MTMR4: variants seen among roughly 807,000 people sequenced by gnomAD.
MTMR4 encodes the protein myotubularin related protein 4.
A neutral mutation model predicts 125.5 loss-of-function variants in MTMR4; 30 were observed. The ratio of observed to expected loss-of-function variants is 0.24; its 90% CI spans 0.18 to 0.32. The LOEUF (loss-of-function observed/expected upper bound fraction) is 0.32, where lower values mean the gene tolerates loss of function less well. Among genes scored for constraint, MTMR4 ranks in the 10% least tolerant of loss-of-function variants. The pLI is 1.00. For synonymous variants in MTMR4, 498 were observed against 564.5 expected (o/e 0.88, Z 1.67); for missense variants, 1,039 against 1,511.5 (o/e 0.69, Z 5.18).
chr17:58,513,863 A>T (rs1976006155), intron 1 of MTMR4: 1 of 152,510 alleles, frequency 6.6e-6, no homozygotes, highest in Admixed American at 6.5e-5. Flanking sequence ...GATGGAGAAG[A>T]GAGGCTGTCT....
rs773009874 is a variant in MTMR4 at position 58,511,530 on chromosome 17, C to T, written c.253-19G>A. 2.5e-6 allele frequency: 4 copies of T among 1,607,820 alleles called. No homozygotes were observed. The East Asian group carries it at 8.9e-5, about 36-fold the overall frequency. On this transcript the variant is annotated intron_variant, in intron 3 of 17. Transcript: ENST00000682306. ...GGGGGACCTGTAGAGGAAGGGCAAA[C>T]TGAAGCTCAGACTCCCCACTGGGTA...
intron 15 of MTMR4, 127 bp from the exon 16 acceptor site, chr17:58,493,079 A>G (rs1180573883): frequency 1.5e-6 from 1 of 650,950 alleles, no homozygotes; most frequent in Non-Finnish European, 2.7e-6. Flanking sequence ...CTTACAATGT[A>G]TACTACTAAT....
At chr17:58,501,237 A>G (rs1470034055) in intron 14 of MTMR4, among the ~76,000 whole-genome samples, 1 of 152,204 alleles carries the variant, frequency 6.6e-6, no homozygotes, top group African/African-American at 2.4e-5. Context: ...CAGGCTGGGC[A>G]TGGTGGCTCA....
chr17:58,502,238 T>A (rs1975660237), intron 14 of MTMR4, among the ~76,000 whole-genome samples: 1 of 149,104 alleles, frequency 6.7e-6, no homozygotes. Context: ...CTTACTGCAA[T>A]CTCCACCCCC....
chr17:58,516,572 G>A, upstream of MTMR4: 1 of 1,614,072 alleles, frequency 6.2e-7, no homozygotes. Context: ...GAAAGACAGG[G>A]TACTCACCAT....
At chr17:58,515,896 T>G (rs947697302), upstream of MTMR4, among the ~76,000 whole-genome samples, 1 of 152,230 alleles carries the variant, frequency 6.6e-6, no homozygotes. Flanking sequence ...GGGCCTGGTC[T>G]GGGCCAGGGC....
chr17:58,509,952 T>C (rs557646204), intron 4 of MTMR4, among the ~76,000 whole-genome samples: 2 of 152,260 alleles, frequency 1.3e-5, no homozygotes, highest in Middle Eastern at 3.4e-3. Flanking sequence ...AATCTTCTCA[T>C]CTCCACCTTC....
Position 58,495,540 on chromosome 17 carries a change from T to G in MTMR4, c.2644A>C (p.Asn882His), listed in dbSNP as rs954008966. The G allele has an allele frequency of 1.2e-6, 2 of 1,614,208 alleles. No homozygotes were observed. The highest frequency in any genetic ancestry group is 2.7e-5 in the African/African-American group (2 of 75,062). Residue 882 changes from asparagine (N) to histidine (H), a missense_variant, in exon 15 of 18, where the codon AAT becomes CAT. Physicochemically the swap from Asn to His is moderately conservative, Grantham distance 68 (BLOSUM62 1). Coordinates refer to ENST00000682306, the MANE Select transcript of MTMR4 (RefSeq NM_001378067.1). ...TCCAATAACTGCCCATTCCTATTAT[T>G]TCCTCTTTTACCAATGTCTTCCTCC... ...HGEEDIGKRG[N>H]NRNGQLLENP...
rs1431759772 is a variant in MTMR4 at position 58,492,508 on chromosome 17, T to C, written c.3452+3A>G. On this transcript the variant is annotated splice_donor_region_variant and intron_variant, in intron 17 of 17. Transcript: ENST00000682306. ...TCATACTAAATCATACAAAACATCT[T>C]ACCTGCAATGGTGTCTTCGTTTGGC... 6 of 1,613,438 alleles carry C rather than the reference T, an allele frequency of 3.7e-6. No individual in the cohort carries two copies. The highest frequency in any genetic ancestry group is 5.1e-6 in the Non-Finnish European group (6 of 1,179,728).
rs774741419 is a variant in MTMR4, at chr17:58,491,523, A to G, written c.*140T>C. ...ATTGCAATTCCTCTGCTCCAGTTTC[A>G]TGATACCAAGGAGGATTTCTCAAGA... On this transcript the variant is annotated 3_prime_UTR_variant, in exon 18 of 18. Transcript: ENST00000682306. 5.8e-6 allele frequency: 5 copies of G among 865,226 alleles called. No individual in the cohort carries two copies. The highest frequency in any genetic ancestry group is 8.7e-6 in the Non-Finnish European group (5 of 577,264). 53.6% of individuals were successfully genotyped at this position (865,226 alleles called of 1,614,324 possible).
In MTMR4 at chr17:58,507,312, G is replaced by C. The variant is rs560166322; in HGVS notation, c.715C>G (p.Arg239Gly). ...RIPVVVYRHLRNGAAIARCSQ... is the reference protein window; with the variant it reads ...RIPVVVYRHLGNGAAIARCSQ... ...CAGCGGGCGATGGCAGCCCCATTGC[G>C]CAAGTGTCTGACAAAACAGAAGAAA... The change falls in exon 8 of 18, where the codon CGC becomes GGC. Residue 239 changes from arginine to glycine, a missense_variant. Transcript: ENST00000682306. The C allele has an allele frequency of 2.1e-5, 34 of 1,612,368 alleles. No homozygotes were observed. Among genetic ancestry groups the C allele is most frequent in the Non-Finnish European group, 2.9e-5 (34 of 1,179,844 alleles).
rs183891875 is a variant in MTMR4, at chr17:58,504,145, G to A, written c.1603C>T (p.Arg535Cys). Residue 535 changes from arginine to cysteine, a missense_variant, in exon 13 of 18, where the codon CGC (arginine) becomes TGC (cysteine). Transcript: ENST00000682306. The surrounding 1 kb of genome is among the most constrained non-coding windows in gnomAD (Gnocchi z 7.1). Reference protein sequence around the residue: ...LANNPCEREKRNIYKRTCSVW... With the variant: ...LANNPCEREKCNIYKRTCSVW... ...GAGCAGGTCCGCTTGTAGATGTTGC[G>A]CTTCTCTCGCTCACAGGGGTTGTTG... 2.9e-4 allele frequency: 465 copies of A among 1,612,518 alleles called. 1 individual carries two copies. The East Asian group carries it at 6.2e-3, about 22-fold the overall frequency.
At chr17:58,492,794 G>T in intron 16 of MTMR4, 48 bp downstream of exon 16, 1 of 1,519,572 alleles carries the variant, frequency 6.6e-7, no homozygotes, top group Middle Eastern at 1.7e-4. Flanking sequence ...AAAATATGAT[G>T]ACTCACTGGC....
intron 14 of MTMR4, among the ~76,000 whole-genome samples, chr17:58,500,225 C>G (rs1355004685): frequency 1.3e-5 from 2 of 152,166 alleles, no homozygotes; most frequent in African/African-American, 4.8e-5. Context: ...CTGCTGGGAG[C>G]AAACAATCCT....
In MTMR4 at chr17:58,508,787, T is replaced by C. The variant is rs1202937989; in HGVS notation, c.390A>G (p.Arg130=). ...CAGGCTTGGCAGGTCTTGCTGTGGC[T>C]CGGCTTAGCCGTGAGAGCCACTCTT... ...QCQEWLSRLS[R]ATARPAKPED... is the part of the protein sequence containing the mutation. Residue 130 remains arginine, a synonymous_variant, in exon 5 of 18, where the codon CGA becomes CGG. Transcript: ENST00000682306. The surrounding 1 kb of genome is among the most constrained non-coding windows in gnomAD (Gnocchi z 4.8). The C allele has an allele frequency of 3.1e-6, 5 of 1,614,164 alleles. No individual in the cohort carries two copies. The South Asian group carries it at 3.3e-5, about 11-fold the overall frequency.
rs1014152324 is a variant in MTMR4, at chr17:58,511,417, C to T, written c.335+12G>A. On this transcript the variant is annotated intron_variant, in intron 4 of 17. Transcript: ENST00000682306. Reference sequence around the variant, plus strand: ...GGGCCAGGGGACCTGAGTGAGGCTCCGTTGTTCTCACCTCACCACTTTGGA... The same window carrying T: ...GGGCCAGGGGACCTGAGTGAGGCTCTGTTGTTCTCACCTCACCACTTTGGA... The T allele has an allele frequency of 1.9e-5, 30 of 1,605,350 alleles. No homozygotes were observed. Among genetic ancestry groups the T allele is most frequent in the African/African-American group, 6.7e-5 (5 of 74,652 alleles).
chr17:58,516,958 G>T (rs1163120806), upstream of MTMR4, among the ~76,000 whole-genome samples: 4 of 152,236 alleles, frequency 2.6e-5, no homozygotes, highest in South Asian at 8.3e-4. Flanking sequence ...ACTATGAAGA[G>T]ACACAGGCTG....
chr17:58,503,744 C>T lies in MTMR4; in HGVS notation c.1853G>A (p.Arg618Lys). 1 of 1,612,384 alleles carries T rather than the reference C, an allele frequency of 6.2e-7. No homozygotes were observed. The highest frequency in any genetic ancestry group is 8.5e-7 in the Non-Finnish European group (1 of 1,179,110). ...SQEFSGRSLD[R>K]LPKTRSMDDL... Reference sequence around the variant, plus strand: ...AGAAAGGAAGAAGGGCTTTTCTTACCTGTCCAGAGAGCGGCCAGAGAACTC... The same window carrying T: ...AGAAAGGAAGAAGGGCTTTTCTTACTTGTCCAGAGAGCGGCCAGAGAACTC... Residue 618 changes from arginine to lysine, a missense_variant and splice_region_variant, in exon 14 of 18, where the codon AGA (arginine) becomes AAA (lysine). Transcript: ENST00000682306.
intron 4 of MTMR4, chr17:58,510,771 C>T (rs1251608762): frequency 6.6e-6 from 1 of 152,182 alleles, no homozygotes; most frequent in African/African-American, 2.4e-5. Flanking sequence ...GAGATGGGGT[C>T]TCGCTATGTT....
Sources: gnomAD v4.1 joint callset for allele counts (sites outside exome capture counted in the v4.1 genomes callset) on GRCh38, gnomAD v4.1.1 for gene constraint, Gnocchi (gnomAD v3.1) non-coding constraint, MANE v1.5 for transcripts, NCBI Gene and HGNC (gene_info 2026-07-23, HGNC 2026-07-21) for gene names.